SLC12A2: variants seen among roughly 807,000 people sequenced by gnomAD.
SLC12A2 encodes the protein Na-K-2Cl cotransporter 1.
A neutral mutation model predicts 136.3 loss-of-function variants in SLC12A2; 67 were observed. The observed-to-expected ratio is 0.49, with a 90% confidence interval of 0.40 to 0.60. The LOEUF is 0.60. Among genes scored for constraint, SLC12A2 ranks in the 20% least tolerant of loss-of-function variants. SLC12A2 has a pLI of 0.00. For missense variants in SLC12A2, 1,322 were observed against 1,534.7 expected (o/e 0.86, Z 2.32); for synonymous variants, 619 against 562.9 (o/e 1.10, Z -1.41).
In SLC12A2 at chr5:128,160,864, T is replaced by A. The variant is rs78500619; in HGVS notation, c.2476-796T>A. Among the ~76,000 whole-genome samples, 1,425 of 150,426 alleles carry A rather than the reference T, an allele frequency of 9.5e-3. 19 individuals are homozygous for A. The highest frequency in any genetic ancestry group is 0.033 in the African/African-American group (1,351 of 40,826). On this transcript the variant is annotated intron_variant, in intron 16 of 26. Transcript: ENST00000262461. ...GTGTTTGTGTGTGTGTGTGTGTGTG[T>A]GTGAGAGTGCGTGTATGTAGGGTGG...
At chr5:128,089,902 G>A (rs527407916) in intron 1 of SLC12A2, among the ~76,000 whole-genome samples, 1 of 152,316 alleles carries the variant, frequency 6.6e-6, no homozygotes, top group East Asian at 1.9e-4. Flanking sequence ...GTCCTTGAAA[G>A]TCACCCTGGG....
At chr5:128,147,491 G>A in intron 10 of SLC12A2, 131 bp from the exon 11 acceptor site, 3 of 584,192 alleles carry the variant, frequency 5.1e-6, no homozygotes, top group Non-Finnish European at 9.2e-6. Flanking sequence ...AATGCACATA[G>A]CGTTGTTGTT....
chr5:128,117,892 A>G (rs539499287), intron 4 of SLC12A2, among the ~76,000 whole-genome samples: 81 of 152,270 alleles, frequency 5.3e-4, no homozygotes, highest in African/African-American at 1.9e-3. Context: ...ATCCCATCAA[A>G]AAATGGGCAA....
Position 128,178,564 on chromosome 5 carries a change from T to C in SLC12A2, c.2978-3T>C, listed in dbSNP as rs758566471. ...ACATTTTATATTTTGCTTAATCCTT[T>C]AGAATCCAAAGGCCCTATTGTGCCT... On this transcript the variant is annotated splice_polypyrimidine_tract_variant and splice_region_variant and intron_variant, in intron 21 of 26. Transcript: ENST00000262461. 5.8e-6 allele frequency: 9 copies of C among 1,557,622 alleles called. No homozygotes were observed. The East Asian group carries it at 2.1e-4, about 36-fold the overall frequency.
chr5:128,139,600 A>G (rs1762296150), intron 9 of SLC12A2, among the ~76,000 whole-genome samples: 1 of 152,174 alleles, frequency 6.6e-6, no homozygotes, highest in African/African-American at 2.4e-5. Context: ...GTTTTAGAGA[A>G]TTGTTTTCAT....
At chr5:128,138,041 G>C (rs1280280317) in intron 7 of SLC12A2, among the ~76,000 whole-genome samples, 1 of 150,552 alleles carries the variant, frequency 6.6e-6, no homozygotes, top group Non-Finnish European at 1.5e-5. Flanking sequence ...AGGCTTAAAT[G>C]ATTCTCTCAC....
chr5:128,125,547 T>C (rs1419993487), intron 4 of SLC12A2, among the ~76,000 whole-genome samples: 4 of 152,234 alleles, frequency 2.6e-5, no homozygotes, highest in South Asian at 2.1e-4. Flanking sequence ...TATCTAGTTA[T>C]GTTATTCGGT....
intron 10 of SLC12A2, among the ~76,000 whole-genome samples, chr5:128,144,894 C>A (rs1198377875): frequency 6.6e-6 from 1 of 152,100 alleles, no homozygotes; most frequent in Non-Finnish European, 1.5e-5. Flanking sequence ...TACTTGCTAT[C>A]TTTTAGCTTT....
intron 19 of SLC12A2, among the ~76,000 whole-genome samples, chr5:128,172,426 T>C (rs934834813): frequency 1.3e-5 from 2 of 152,200 alleles, no homozygotes; most frequent in African/African-American, 2.4e-5. Context: ...GTGCCACTTA[T>C]GTGTTCATTT....
Position 128,184,699 on chromosome 5 carries a change from C to T in SLC12A2, c.3436-90C>T, listed in dbSNP as rs780339544. The T allele has an allele frequency of 4.4e-6, 7 of 1,581,654 alleles. No individual in the cohort carries two copies. The Admixed American group carries it at 1.3e-4, about 29-fold the overall frequency. ...ATTTTTATTACACGAAAATTCATTT[C>T]AGTTTCTTTTTGTCTCCTTATAGTT... On this transcript the variant is annotated intron_variant, in intron 25 of 26. Transcript: ENST00000262461.
intron 26 of SLC12A2, among the ~76,000 whole-genome samples, chr5:128,186,112 G>A (rs1193596902): frequency 6.6e-6 from 1 of 152,014 alleles, no homozygotes; most frequent in Non-Finnish European, 1.5e-5. Context: ...ATATGCAAAT[G>A]CTTACCATCG....
At chr5:128,185,691 T>C (rs1763844746) in intron 26 of SLC12A2, among the ~76,000 whole-genome samples, 1 of 152,188 alleles carries the variant, frequency 6.6e-6, no homozygotes, top group African/African-American at 2.4e-5. Context: ...CATTTATCCA[T>C]ATATAGCTTC....
chr5:128,132,438 G>A (rs1762055397), intron 5 of SLC12A2, among the ~76,000 whole-genome samples: 1 of 152,212 alleles, frequency 6.6e-6, no homozygotes, highest in Admixed American at 6.5e-5. Flanking sequence ...TTTGGATTTA[G>A]ATGGAAGATA....
intron 3 of SLC12A2, 51 bp from the exon 4 acceptor site, chr5:128,114,535 G>C (rs768350760): frequency 1.6e-6 from 2 of 1,236,758 alleles, no homozygotes; most frequent in Non-Finnish European, 2.4e-6. Context: ...AGATACCGAT[G>C]AGCTTAAACA....
intron 16 of SLC12A2, among the ~76,000 whole-genome samples, chr5:128,158,468 C>A (rs1762933701): frequency 6.6e-6 from 1 of 152,062 alleles, no homozygotes; most frequent in Non-Finnish European, 1.5e-5. Context: ...TTTTGTGTTC[C>A]TGTGTTAGTT....
At chr5:128,118,565 G>A (rs571910198) in intron 4 of SLC12A2, among the ~76,000 whole-genome samples, 77 of 152,154 alleles carry the variant, frequency 5.1e-4, no homozygotes, top group African/African-American at 1.6e-3. Flanking sequence ...TTGGGGATGC[G>A]GGTGGAAGGG....
At chr5:128,168,953 TTC>T (rs1183943413) in intron 18 of SLC12A2, 2 of 152,312 alleles carry the variant, frequency 1.3e-5, no homozygotes, top group African/African-American at 2.4e-5. Flanking sequence ...TCTGGTTGTG[TTC>T]TGTTTGTGGA....
In SLC12A2 at chr5:128,167,807, T is replaced by G. The variant is rs1310606043; in HGVS notation, c.2663T>G (p.Phe888Cys). 7 of 1,609,872 alleles carry G rather than the reference T, an allele frequency of 4.3e-6. No homozygotes were observed. The highest frequency in any genetic ancestry group is 5.9e-6 in the Non-Finnish European group (7 of 1,178,314). ...AAGCCAAACACACTTGTCCTTGGAT[T>G]TAAGAAAGATTGGTTGCAAGCAGAT... ...RMKPNTLVLGFKKDWLQADMR... is the reference protein window; with the variant it reads ...RMKPNTLVLGCKKDWLQADMR... Residue 888 changes from phenylalanine (F) to cysteine (C), a missense_variant, in exon 18 of 27, where the codon TTT becomes TGT. Phe to Cys is a radical substitution (Grantham distance 205). This residue lies in a region of SLC12A2 where 226 missense variants were observed against 210.4 expected (regional missense o/e 1.07). Coordinates refer to ENST00000262461, the MANE Select transcript of SLC12A2 (RefSeq NM_001046.3).
intron 1 of SLC12A2, among the ~76,000 whole-genome samples, chr5:128,094,572 A>G (rs1473812710): frequency 1.3e-5 from 2 of 151,884 alleles, no homozygotes; most frequent in East Asian, 3.9e-4. Flanking sequence ...TTAAATACTC[A>G]TGACAAATGT....
Sources: gnomAD v4.1 joint callset for allele counts (sites outside exome capture counted in the v4.1 genomes callset) on GRCh38, gnomAD v4.1.1 for gene constraint, gnomAD v4.1.1 regional missense constraint, MANE v1.5 for transcripts, NCBI Gene and HGNC (gene_info 2026-07-23, HGNC 2026-07-21) for gene names.